MACF1: variants seen among roughly 807,000 people sequenced by gnomAD.
MACF1 encodes the protein microtubule actin crosslinking factor 1.
Under a neutral mutation model 854.8 loss-of-function variants are expected in MACF1, and 193 were observed. The ratio of observed to expected loss-of-function variants is 0.23; its 90% confidence interval spans 0.20 to 0.25. The LOEUF (loss-of-function observed/expected upper bound fraction) is 0.25, where lower values mean the gene tolerates loss of function less well. MACF1 is among the 10% of genes least tolerant of loss of function. The pLI, the probability that MACF1 is intolerant of heterozygous loss-of-function variation, is 1.00. For missense variants in MACF1, 7,722 were observed against 8,929.1 expected (o/e 0.86, Z 5.45); for synonymous variants, 3,185 against 3,226.7 (o/e 0.99, Z 0.44).
chr1:39,268,900 CAG>C (rs775973683), intron 6 of MACF1: 11 of 1,288,510 alleles, frequency 8.5e-6, no homozygotes, highest in East Asian at 5.5e-5. Context: ...ACGAAGTTAA[CAG>C]AGAGTCTCCA....
chr1:39,285,616 C>G lies in MACF1; in HGVS notation c.1366C>G (p.Leu456Val). Reference sequence around the variant, plus strand: ...CTTCCTGTCTCAGGATGCTGCTCACCTGGAATCAGGACAACCGGTACAATG... The same window carrying G: ...CTTCCTGTCTCAGGATGCTGCTCACGTGGAATCAGGACAACCGGTACAATG... ...KNTLQADAAHLESGQPVQCES... is the reference protein window; with the variant it reads ...KNTLQADAAHVESGQPVQCES... The change falls in exon 14 of 101, where the codon CTG becomes GTG. Residue 456 changes from leucine (L) to valine (V), a missense_variant. By Grantham distance (32) the Leu-to-Val change is conservative. Transcript: ENST00000564288. 4.3e-6 allele frequency: 7 copies of G among 1,613,626 alleles called. No individual in the cohort carries two copies. The highest frequency in any genetic ancestry group is 4.2e-6 in the Non-Finnish European group (5 of 1,179,736).
chr1:39,340,585 T>C lies in MACF1; in HGVS notation c.10299T>C (p.Pro3433=). The C allele has an allele frequency of 6.2e-7, 1 of 1,614,198 alleles. No homozygotes were observed. Among genetic ancestry groups the C allele is most frequent in the South Asian group, 1.1e-5 (1 of 91,088 alleles). Residue 3433 remains proline, a synonymous_variant, in exon 39 of 101, where the codon CCT becomes CCC. Coordinates refer to ENST00000564288, the MANE Select transcript of MACF1 (RefSeq NM_001394062.1). ...ECVNQIIISQ[P]QEVPAQLLKA... Reference sequence around the variant, plus strand: ...TGAATCAGATTATCATCAGCCAGCCTCAAGAAGTTCCTGCTCAACTGTTGA... The same window carrying C: ...TGAATCAGATTATCATCAGCCAGCCCCAAGAAGTTCCTGCTCAACTGTTGA...
At chr1:39,276,479 A>G (rs566482106) in intron 6 of MACF1, among the ~76,000 whole-genome samples, 6 of 152,290 alleles carry the variant, frequency 3.9e-5, no homozygotes, top group East Asian at 3.9e-4. Context: ...TCGGTTCCCA[A>G]TTTAAACCTT....
At chr1:39,321,966 G>A (rs997902771) in intron 31 of MACF1, among the ~76,000 whole-genome samples, 8 of 152,274 alleles carry the variant, frequency 5.3e-5, no homozygotes, top group African/African-American at 1.9e-4. Flanking sequence ...TACCTAAGAG[G>A]CTACCGCACT....
At chr1:39,172,150 C>G (rs1643959435) in intron 2 of MACF1, among the ~76,000 whole-genome samples, 1 of 152,168 alleles carries the variant, frequency 6.6e-6, no homozygotes, top group Admixed American at 6.5e-5. Context: ...TTATCCAGCT[C>G]TGTGGGAGGA....
In MACF1 at chr1:39,233,808, T is replaced by TTTTTCTTTTTTTG. The variant is rs755591226; in HGVS notation, c.171+2565_171+2566insTTTTCTTTTTTTG. ...TTTTTTTTTTTTTTTATTTATTTTT[T>TTTTTCTTTTTTTG]ATTGATAATTCTTGGGTGTTTCTCA... On this transcript the variant is annotated intron_variant, in intron 2 of 100. Transcript: ENST00000564288. 3.0e-5 allele frequency among the ~76,000 whole-genome samples: 2 copies of TTTTTCTTTTTTTG among 65,772 alleles called. 1 individual carries two copies. The highest frequency in any genetic ancestry group is 6.6e-5 in the Non-Finnish European group (2 of 30,152). The allele number at this position is 65,772 out of a possible 152,430, so 43.1% of individuals were successfully genotyped here.
chr1:39,173,351 A>AAAAAGAAAG (rs1553155692), intron 2 of MACF1, among the ~76,000 whole-genome samples: 5 of 126,248 alleles, frequency 4.0e-5, no homozygotes, highest in African/African-American at 1.5e-4. Context: ...AAAAAAAAAA[A>AAAAAGAAAG]AAAGAAAGAA....
chr1:39,136,425 A>G (rs927564181), intron 2 of MACF1, among the ~76,000 whole-genome samples: 3 of 152,184 alleles, frequency 2.0e-5, no homozygotes, highest in African/African-American at 7.2e-5. Context: ...AAACCCTTGT[A>G]TCTCCAACTG....
At chr1:39,339,702 A>G (rs1475807170) in intron 38 of MACF1, among the ~76,000 whole-genome samples, 3 of 152,138 alleles carry the variant, frequency 2.0e-5, no homozygotes, top group Non-Finnish European at 4.4e-5. Flanking sequence ...TAAAAGGGAG[A>G]ACTTGAAGTT....
chr1:39,266,849 G>T (rs1221087633), intron 6 of MACF1, among the ~76,000 whole-genome samples: 1 of 152,074 alleles, frequency 6.6e-6, no homozygotes, highest in Non-Finnish European at 1.5e-5. Flanking sequence ...TGGGGTGGAG[G>T]AATCTTCACT....
intron 84 of MACF1, 138 bp from the exon 85 acceptor site, chr1:39,450,914 A>T: frequency 1.0e-6 from 1 of 993,808 alleles, no homozygotes; most frequent in Non-Finnish European, 1.5e-6. Flanking sequence ...CCCGGCCTTT[A>T]CTGTATTTCT....
chr1:39,217,732 C>T (rs570363724), intron 1 of MACF1, among the ~76,000 whole-genome samples: 1 of 151,346 alleles, frequency 6.6e-6, no homozygotes. Flanking sequence ...TACAAGTTAG[C>T]AGGGTGTGGT....
intron 38 of MACF1, among the ~76,000 whole-genome samples, chr1:39,337,697 G>A (rs1646840243): frequency 6.7e-6 from 1 of 149,590 alleles, no homozygotes; most frequent in African/African-American, 2.5e-5. Context: ...CTCCCGAATA[G>A]CTGCGACTAT....
At chr1:39,326,281 T>A (rs1393728038) in intron 35 of MACF1, among the ~76,000 whole-genome samples, 5 of 152,158 alleles carry the variant, frequency 3.3e-5, no homozygotes, top group African/African-American at 1.2e-4. Context: ...GCGGGATTCA[T>A]CAGATTCAAG....
At chr1:39,200,497 G>A (rs1644376113), upstream of MACF1, among the ~76,000 whole-genome samples, 1 of 152,080 alleles carries the variant, frequency 6.6e-6, no homozygotes, top group Non-Finnish European at 1.5e-5. Context: ...TCAGGAGTTC[G>A]AGACCAGCCT....
intron 2 of MACF1, among the ~76,000 whole-genome samples, chr1:39,100,711 G>A (rs767388783): frequency 4.6e-5 from 7 of 151,868 alleles, no homozygotes; most frequent in Admixed American, 2.0e-4. Context: ...AAAATTAGCC[G>A]GGGGTGGTGG....
intron 78 of MACF1, 146 bp from the exon 79 acceptor site, chr1:39,443,300 C>G: frequency 2.8e-6 from 2 of 717,308 alleles, no homozygotes; most frequent in Non-Finnish European, 4.5e-6. Context: ...AATATTGGCC[C>G]CATGCTAATC....
intron 26 of MACF1, among the ~76,000 whole-genome samples, chr1:39,312,575 A>G (rs904652021): frequency 1.3e-5 from 2 of 152,142 alleles, no homozygotes; most frequent in African/African-American, 4.8e-5. Context: ...CTGTAATCCT[A>G]GCACTTTGGG....
intron 86 of MACF1, 53 bp from the exon 87 acceptor site, chr1:39,452,631 C>A: frequency 1.2e-6 from 2 of 1,609,490 alleles, no homozygotes; most frequent in South Asian, 1.1e-5. Context: ...GTCCCAGTAT[C>A]TAGGTCCTTG....
Sources: allele counts gnomAD v4.1 joint callset (sites outside exome capture counted in the v4.1 genomes callset), GRCh38; gene constraint gnomAD v4.1.1; transcripts MANE v1.5; gene names NCBI Gene and HGNC (gene_info 2026-07-23, HGNC 2026-07-21).